The following VTI1B variants were observed in gnomAD, a reference collection of about 807,000 sequenced individuals.
The protein encoded by VTI1B is vesicle transport through interaction with t-SNAREs homolog 1B.
A neutral mutation model predicts 28.6 loss-of-function variants in VTI1B; 18 were observed. The ratio of observed to expected loss-of-function variants is 0.63; its 90% CI spans 0.43 to 0.93. The LOEUF is 0.93. Ranked by LOEUF, VTI1B falls within the 40% of genes least tolerant of loss-of-function variation. The pLI is 0.00. For missense variants in VTI1B, 283 were observed against 297.0 expected, an observed-to-expected ratio of 0.95 and a Z score of 0.35; for synonymous variants, 100 against 107.9, an observed-to-expected ratio of 0.93 and a Z score of 0.46.
intron 1 of VTI1B, among the ~76,000 whole-genome samples, chr14:67,663,842 C>T (rs1223255421): frequency 6.6e-6 from 1 of 152,130 alleles, no homozygotes; most frequent in African/African-American, 2.4e-5. Context: ...GTTCTGGTGC[C>T]AGGTTCGGGC....
rs1173897584 is a variant in VTI1B, at chr14:67,650,898, A to G, written c.*487T>C. The G allele has an allele frequency of 1.9e-6, 3 of 1,614,082 alleles. No individual in the cohort carries two copies. The highest frequency in any genetic ancestry group is 2.5e-6 in the Non-Finnish European group (3 of 1,179,976). Reference sequence around the variant, plus strand: ...CCCAGTTCACCAGATGAATCAGAAAATCAAGCACGTGTGAGAATTTAGGAG... The same window carrying G: ...CCCAGTTCACCAGATGAATCAGAAAGTCAAGCACGTGTGAGAATTTAGGAG... On this transcript the variant is annotated 3_prime_UTR_variant, in exon 6 of 6. Coordinates refer to ENST00000554659, the MANE Select transcript of VTI1B (RefSeq NM_006370.3).
chr14:67,656,011 C>T (rs1024311864), intron 4 of VTI1B, among the ~76,000 whole-genome samples: 12 of 152,164 alleles, frequency 7.9e-5, no homozygotes, highest in Non-Finnish European at 1.0e-4. Context: ...TTTGGGAGGC[C>T]GGAGCAGGTG....
In VTI1B at chr14:67,674,492, C is replaced by A. The variant is rs767435416; in HGVS notation, c.-3G>T. The stretch of plus-strand genomic sequence containing the variant: ...GAGGAGGCGGCGGAGGAGGCCATGG[C>A]GCAGGCCGCGCTGGAGCAGCGGCCA... On this transcript the variant is annotated 5_prime_UTR_variant, in exon 1 of 6. Transcript: ENST00000554659. 1.9e-6 allele frequency: 3 copies of A among 1,597,926 alleles called. No homozygotes were observed. Among genetic ancestry groups the A allele is most frequent in the African/African-American group, 1.3e-5 (1 of 74,472 alleles).
chr14:67,661,036 C>T (rs144674669), intron 2 of VTI1B, among the ~76,000 whole-genome samples: 1 of 152,026 alleles, frequency 6.6e-6, no homozygotes, highest in African/African-American at 2.4e-5. Flanking sequence ...GATGTGCTTC[C>T]TTCTCAGAAC....
In VTI1B at chr14:67,648,454, A is replaced by T; in HGVS notation, c.*2931T>A. 3.7e-6 allele frequency: 1 copy of T among 272,974 alleles called. No homozygotes were observed. The highest frequency in any genetic ancestry group is 6.8e-6 in the Non-Finnish European group (1 of 146,610). The allele number at this position is 272,974 out of a possible 1,614,324, so 16.9% of individuals were successfully genotyped here. On this transcript the variant is annotated 3_prime_UTR_variant, in exon 6 of 6. Coordinates refer to ENST00000554659, the MANE Select transcript of VTI1B (RefSeq NM_006370.3). ...ATTAAATACAAGAATAAATTGTCAA[A>T]CTGATGCAGTTCTTTGAGTTATCTA...
chr14:67,659,199 A>C (rs2037304613), intron 3 of VTI1B, among the ~76,000 whole-genome samples: 1 of 152,246 alleles, frequency 6.6e-6, no homozygotes, highest in South Asian at 2.1e-4. Flanking sequence ...AATGATAAAA[A>C]GCTCCTTCTC....
chr14:67,660,478 T>C (rs911254495), intron 2 of VTI1B, among the ~76,000 whole-genome samples: 2 of 152,206 alleles, frequency 1.3e-5, no homozygotes, highest in African/African-American at 4.8e-5. Flanking sequence ...CTCTCTTCAA[T>C]ATACCAAGTT....
Position 67,674,378 on chromosome 14 carries a change from TC to T in VTI1B, c.111del (p.Thr38ProfsTer7). On this transcript the variant is annotated frameshift_variant, in exon 1 of 6. Coordinates refer to ENST00000554659, the MANE Select transcript of VTI1B (RefSeq NM_006370.3). LOFTEE classifies it high-confidence loss of function. ...GCGTGGCCCACCCCCGCCTCACCGG[TC>T]CCCGCCGTCCCCAGCAGCCGCTCGG... is the stretch of plus-strand genomic sequence containing the variant. ...GVPERLLGTAGTEEKKKLIRD... is the reference protein window; with the variant it reads ...GVPERLLGTAXTEEKKKLIRD... 1 of 1,592,254 alleles carries T rather than the reference TC, an allele frequency of 6.3e-7. No individual in the cohort carries two copies. Among genetic ancestry groups the T allele is most frequent in the Middle Eastern group, 2.3e-4 (1 of 4,366 alleles).
intron 4 of VTI1B, among the ~76,000 whole-genome samples, 185 bp from the exon 5 acceptor site, chr14:67,653,683 T>G (rs2037217806): frequency 6.6e-6 from 1 of 152,194 alleles, no homozygotes; most frequent in African/African-American, 2.4e-5. Context: ...ATTTTAGTAC[T>G]CATCAAGTAG....
At chr14:67,658,618 T>G (rs1490158719) in intron 3 of VTI1B, among the ~76,000 whole-genome samples, 2 of 152,162 alleles carry the variant, frequency 1.3e-5, no homozygotes, top group East Asian at 1.9e-4. Flanking sequence ...TAATAATTTC[T>G]GAAACTCATA....
At chr14:67,655,520 C>G (rs1566811133) in intron 4 of VTI1B, among the ~76,000 whole-genome samples, 1 of 151,114 alleles carries the variant, frequency 6.6e-6, no homozygotes, top group Non-Finnish European at 1.5e-5. Context: ...CATTTTTTTC[C>G]CTATTACTTT....
chr14:67,663,218 G>A (rs1594839007), intron 1 of VTI1B: 1 of 1,448,980 alleles, frequency 6.9e-7, no homozygotes, highest in East Asian at 2.5e-5. Flanking sequence ...ACAGGCTTCA[G>A]CTTCAAAACA....
chr14:67,655,817 C>G (rs1411314604), intron 4 of VTI1B, among the ~76,000 whole-genome samples: 1 of 152,178 alleles, frequency 6.6e-6, no homozygotes, highest in African/African-American at 2.4e-5. Flanking sequence ...TTATTAATTT[C>G]TGTAATCTTG....
Position 67,674,366 on chromosome 14 carries a change from C to T in VTI1B, c.115+9G>A. On this transcript the variant is annotated intron_variant, in intron 1 of 5. Coordinates refer to ENST00000554659, the MANE Select transcript of VTI1B (RefSeq NM_006370.3). ...GCGCTCCCCACGGCGTGGCCCACCC[C>T]CGCCTCACCGGTCCCCGCCGTCCCC... The T allele has an allele frequency of 6.3e-7, 1 of 1,585,364 alleles. No individual in the cohort carries two copies. The highest frequency in any genetic ancestry group is 8.6e-7 in the Non-Finnish European group (1 of 1,167,762).
intron 4 of VTI1B, among the ~76,000 whole-genome samples, chr14:67,655,186 AAAC>A (rs2037239253): frequency 6.6e-6 from 1 of 151,946 alleles, no homozygotes; most frequent in African/African-American, 2.4e-5. Flanking sequence ...CAAAAAATTA[AAAC>A]AATTAGCCAG....
chr14:67,672,081 T>C (rs1007213381), intron 1 of VTI1B, among the ~76,000 whole-genome samples: 56 of 152,184 alleles, frequency 3.7e-4, no homozygotes, highest in Non-Finnish European at 5.9e-4. Flanking sequence ...GAAATGGGCA[T>C]TGCAAAAATT....
At chr14:67,671,532 AC>A (rs1207419002) in intron 1 of VTI1B, among the ~76,000 whole-genome samples, 1 of 152,200 alleles carries the variant, frequency 6.6e-6, no homozygotes, top group African/African-American at 2.4e-5. Context: ...TCTCAAAAAA[AC>A]AAAAAAAAGA....
intron 2 of VTI1B, among the ~76,000 whole-genome samples, chr14:67,660,911 G>A (rs910084703): frequency 6.6e-6 from 1 of 152,190 alleles, no homozygotes; most frequent in African/African-American, 2.4e-5. Flanking sequence ...GATATGCCCA[G>A]CTGTACACAG....
chr14:67,657,679 G>A (rs2037279520), intron 3 of VTI1B, among the ~76,000 whole-genome samples: 1 of 151,910 alleles, frequency 6.6e-6, no homozygotes, highest in South Asian at 2.1e-4. Context: ...AGTGACCACT[G>A]GCAGTAGGAC....
Sources: gnomAD v4.1 joint callset for allele counts (sites outside exome capture counted in the v4.1 genomes callset) on GRCh38, gnomAD v4.1.1 for gene constraint, MANE v1.5 for transcripts, NCBI Gene and HGNC (gene_info 2026-07-23, HGNC 2026-07-21) for gene names.